Variants in PDE4D observed in about 807,000 individuals in gnomAD.
PDE4D encodes phosphodiesterase 4D.
Under a neutral mutation model 87.4 loss-of-function variants are expected in PDE4D, and 24 were observed. That is an observed-to-expected ratio of 0.27 (90% CI 0.20 to 0.39). The LOEUF is 0.39. Ranked by LOEUF, PDE4D falls within the 10% of genes least tolerant of loss-of-function variation. The pLI, the probability that PDE4D is intolerant of heterozygous loss-of-function variation, is 1.00. For missense variants in PDE4D, 714 were observed against 1,041.0 expected, an observed-to-expected ratio of 0.69 and a Z score of 4.32; for synonymous variants, 384 against 383.2, an observed-to-expected ratio of 1.00 and a Z score of -0.02.
intron 1 of PDE4D, among the ~76,000 whole-genome samples, chr5:59,221,782 T>A (rs1349027395): frequency 6.6e-6 from 1 of 152,166 alleles, no homozygotes; most frequent in Non-Finnish European, 1.5e-5. Flanking sequence ...TCATTTGGAA[T>A]TAAGGAAGGG....
intron 1 of PDE4D, among the ~76,000 whole-genome samples, chr5:59,621,572 A>G (rs1447882098): frequency 1.3e-5 from 2 of 152,230 alleles, no homozygotes; most frequent in African/African-American, 4.8e-5. Context: ...AATTCCTAGT[A>G]GTTTCTCACT....
intron 3 of PDE4D, among the ~76,000 whole-genome samples, chr5:59,967,784 GACAC>G (rs1206917510): frequency 2.6e-5 from 4 of 152,122 alleles, no homozygotes; most frequent in African/African-American, 7.2e-5. Context: ...CTACTAAAAA[GACAC>G]ATGCACTCAT....
chr5:60,434,260 T>C (rs549045644), intron 1 of PDE4D, among the ~76,000 whole-genome samples: 2 of 152,112 alleles, frequency 1.3e-5, no homozygotes, highest in Non-Finnish European at 2.9e-5. Context: ...CATGAATTTA[T>C]AAATGGTTGT....
intron 1 of PDE4D, among the ~76,000 whole-genome samples, chr5:59,457,919 A>G (rs1800175282): frequency 1.3e-5 from 2 of 152,170 alleles, no homozygotes; most frequent in Non-Finnish European, 2.9e-5. Context: ...AAGAAAAGAA[A>G]GAAAGAAAAA....
intron 1 of PDE4D, among the ~76,000 whole-genome samples, chr5:60,277,128 C>T (rs1301229660): frequency 1.3e-5 from 2 of 151,302 alleles, no homozygotes; most frequent in African/African-American, 4.9e-5. Flanking sequence ...TATACATATA[C>T]ATAATAAAAT....
At chr5:59,837,077 G>T (rs1015251877) in intron 1 of PDE4D, among the ~76,000 whole-genome samples, 1 of 151,678 alleles carries the variant, frequency 6.6e-6, no homozygotes, top group Non-Finnish European at 1.5e-5. Context: ...AACCTTTATC[G>T]TTTACAGTTC....
chr5:59,180,459 A>G, intron 5 of PDE4D, 136 bp downstream of exon 5: 1 of 763,744 alleles, frequency 1.3e-6, no homozygotes, highest in Non-Finnish European at 2.3e-6. Context: ...AATGATAGAA[A>G]TGATAATGTA....
chr5:59,053,645 G>GTTTTTTGTTTTTTTTTTTTTTTTT (rs1561396071), intron 5 of PDE4D, among the ~76,000 whole-genome samples: 3 of 68,792 alleles, frequency 4.4e-5, no homozygotes, highest in African/African-American at 5.2e-5. Context: ...TTTGTTTTTT[G>GTTTTTTGTTTTTTTTTTTTTTTTT]TTTTTTTTTG....
chr5:59,316,993 G>A (rs1773870894), intron 1 of PDE4D, among the ~76,000 whole-genome samples: 1 of 152,152 alleles, frequency 6.6e-6, no homozygotes, highest in African/African-American at 2.4e-5. Flanking sequence ...ATGAGGCTGT[G>A]GTCTCTCCAG....
At chr5:59,206,787 C>T (rs987386891) in intron 2 of PDE4D, among the ~76,000 whole-genome samples, 3 of 152,126 alleles carry the variant, frequency 2.0e-5, no homozygotes, top group Non-Finnish European at 4.4e-5. Flanking sequence ...AATTAATACA[C>T]ACCTTTATTT....
chr5:59,470,297 GA>G (rs10710659), intron 1 of PDE4D, among the ~76,000 whole-genome samples: 5,202 of 149,220 alleles, frequency 0.035, 260 homozygotes, highest in African/African-American at 0.1. Context: ...TGCTGGTAAG[GA>G]AAAAAAAAAT....
At chr5:59,806,637 A>C (rs1455137464) in intron 1 of PDE4D, among the ~76,000 whole-genome samples, 2 of 152,240 alleles carry the variant, frequency 1.3e-5, no homozygotes, top group Non-Finnish European at 2.9e-5. Flanking sequence ...TGAATCTAAA[A>C]GTCAAGAAAA....
chr5:60,047,398 G>A (rs2152875015), intron 2 of PDE4D, among the ~76,000 whole-genome samples: 1 of 152,016 alleles, frequency 6.6e-6, no homozygotes, highest in Admixed American at 6.5e-5. Context: ...GTTATTTCTT[G>A]CCTTCTGCTA....
At chr5:59,801,540 T>A (rs1027733008) in intron 1 of PDE4D, among the ~76,000 whole-genome samples, 2 of 152,194 alleles carry the variant, frequency 1.3e-5, no homozygotes, top group Non-Finnish European at 2.9e-5. Context: ...TCTAATTGAT[T>A]AAATGTAACC....
chr5:59,698,465 G>A (rs905355138), intron 1 of PDE4D, among the ~76,000 whole-genome samples: 1 of 151,690 alleles, frequency 6.6e-6, no homozygotes, highest in Admixed American at 6.6e-5. Flanking sequence ...GGGTCAAGCA[G>A]AAGGAAAGAG....
intron 1 of PDE4D, among the ~76,000 whole-genome samples, chr5:60,305,038 T>TATATATAC (rs1554202216): frequency 1.5e-5 from 2 of 135,846 alleles, no homozygotes; most frequent in African/African-American, 5.1e-5. Context: ...TTTTGAGCTA[T>TATATATAC]ACACACACAC....
At chr5:59,768,492 G>A (rs761723260) in intron 1 of PDE4D, 34 of 1,598,224 alleles carry the variant, frequency 2.1e-5, no homozygotes, top group Middle Eastern at 1.6e-4. Flanking sequence ...AAGTGTCCGG[G>A]CTTGTCTGCT....
chr5:60,152,396 G>T (rs1781585481), intron 2 of PDE4D, among the ~76,000 whole-genome samples: 1 of 152,122 alleles, frequency 6.6e-6, no homozygotes, highest in African/African-American at 2.4e-5. Context: ...GCTCATGCCT[G>T]TAATCCCAGT....
chr5:60,343,968 CTTTT>C (rs11326205), intron 1 of PDE4D, among the ~76,000 whole-genome samples: 4 of 141,658 alleles, frequency 2.8e-5, no homozygotes, highest in African/African-American at 1.0e-4. Context: ...GATGACTCAT[CTTTT>C]TTTTTTTTTT....
Sources: allele counts gnomAD v4.1 joint callset (sites outside exome capture counted in the v4.1 genomes callset), GRCh38; gene constraint gnomAD v4.1.1; transcripts MANE v1.5; gene names NCBI Gene and HGNC (gene_info 2026-07-23, HGNC 2026-07-21).